AGAP1: variants seen among roughly 807,000 people sequenced by gnomAD.
AGAP1 encodes the protein arf-GAP with GTPase, ANK repeat and PH domain-containing protein 1.
Under a neutral mutation model 105.3 loss-of-function variants are expected in AGAP1, and 29 were observed. The ratio of observed to expected loss-of-function variants is 0.28; its 90% CI spans 0.21 to 0.38. The LOEUF (loss-of-function observed/expected upper bound fraction) is 0.38, where lower values mean the gene tolerates loss of function less well. AGAP1 is among the 10% of genes least tolerant of loss of function. AGAP1 has a pLI of 1.00. For synonymous variants in AGAP1, 509 were observed against 485.9 expected, an observed-to-expected ratio of 1.05 and a Z score of -0.63; for missense variants, 998 against 1,165.1, an observed-to-expected ratio of 0.86 and a Z score of 2.09.
intron 8 of AGAP1, among the ~76,000 whole-genome samples, chr2:235,806,208 C>T (rs913277810): frequency 1.3e-5 from 2 of 152,174 alleles, no homozygotes; most frequent in African/African-American, 2.4e-5. Flanking sequence ...ACCACAAAGT[C>T]TGTTCATTTC....
Position 235,874,627 on chromosome 2 carries a change from G to A in AGAP1, c.1051-8718G>A, listed in dbSNP as rs1416508051. On this transcript the variant is annotated intron_variant, in intron 9 of 17. Transcript: ENST00000304032. The surrounding 1 kb of genome is among the most constrained non-coding windows in gnomAD (Gnocchi z 4.5). ...TCAAGATTCTGTGCAGGCCTCACTT[G>A]GATCAGCTGCTCCTGTCCTTAGGGG... is the stretch of plus-strand genomic sequence containing the variant. 6.6e-6 allele frequency among the ~76,000 whole-genome samples: 1 copy of A among 152,184 alleles called. No individual in the cohort carries two copies. Among genetic ancestry groups the A allele is most frequent in the Non-Finnish European group, 1.5e-5 (1 of 68,034 alleles).
intron 6 of AGAP1, among the ~76,000 whole-genome samples, chr2:235,778,280 G>T (rs1054584197): frequency 1.3e-5 from 2 of 152,144 alleles, no homozygotes; most frequent in Admixed American, 1.3e-4. Flanking sequence ...CCCCGCCTGG[G>T]TTTCCTTCTG....
rs1238690957 is a variant in AGAP1, at chr2:235,865,578, G to C, written c.1051-17767G>C. On this transcript the variant is annotated intron_variant, in intron 9 of 17. Transcript: ENST00000304032. This position sits in a 1 kb window ranked among gnomAD's most constrained non-coding sequence, Gnocchi z 6.2. Reference sequence around the variant, plus strand: ...GTTAAAGATCCAGAATCGGCCCCTCGCCCCTTTGCCCCTCCCCCAACTCCC... The same window carrying C: ...GTTAAAGATCCAGAATCGGCCCCTCCCCCCTTTGCCCCTCCCCCAACTCCC... 6.6e-6 allele frequency among the ~76,000 whole-genome samples: 1 copy of C among 152,094 alleles called. No individual in the cohort carries two copies. Among genetic ancestry groups the C allele is most frequent in the Non-Finnish European group, 1.5e-5 (1 of 68,010 alleles).
chr2:235,690,101 C>A lies in AGAP1; in HGVS notation c.164-19078C>A, dbSNP rs1949667911. Among the ~76,000 whole-genome samples the A allele has an allele frequency of 6.6e-6, 1 of 152,078 alleles. No individual in the cohort carries two copies. The highest frequency in any genetic ancestry group is 2.4e-5 in the African/African-American group (1 of 41,416). ...GGTTTTCATGCAGTATTGACACTCT[C>A]TTCTCCCCAGGTGCTGAGTCCCCAG... On this transcript the variant is annotated intron_variant, in intron 1 of 17. Coordinates refer to ENST00000304032, the MANE Select transcript of AGAP1 (RefSeq NM_001037131.3). This position sits in a 1 kb window ranked among gnomAD's most constrained non-coding sequence, Gnocchi z 4.1.
Position 235,841,388 on chromosome 2 carries a change from G to A in AGAP1, c.1050+34057G>A, listed in dbSNP as rs114525144. On this transcript the variant is annotated intron_variant, in intron 9 of 17. Coordinates refer to ENST00000304032, the MANE Select transcript of AGAP1 (RefSeq NM_001037131.3). ...GCTCACGACTAATCCCCGCACTGTAGGAGGCCAAGGCGAGTGGATCCCTTG... is the reference window on the plus strand; with the variant it reads ...GCTCACGACTAATCCCCGCACTGTAAGAGGCCAAGGCGAGTGGATCCCTTG... Among the ~76,000 whole-genome samples, 791 of 152,244 alleles carry A rather than the reference G, an allele frequency of 5.2e-3. 8 individuals are homozygous for A. The highest frequency in any genetic ancestry group is 0.018 in the African/African-American group (744 of 41,540).
At position 235,936,353 on chromosome 2, in the gene AGAP1, C is replaced by T. The variant is rs966437623; in HGVS notation, c.1483+5430C>T. Among the ~76,000 whole-genome samples, 3 of 152,194 alleles carry T rather than the reference C, an allele frequency of 2.0e-5. No individual in the cohort carries two copies. The highest frequency in any genetic ancestry group is 7.2e-5 in the African/African-American group (3 of 41,436). On this transcript the variant is annotated intron_variant, in intron 12 of 17. Transcript: ENST00000304032. The surrounding 1 kb of genome is among the most constrained non-coding windows in gnomAD (Gnocchi z 4.7). ...CCCTGTTTCCTTCTGGCCACGTAATCATTATATCTTTCCAGTAGACTCTGT... is the reference window on the plus strand; with the variant it reads ...CCCTGTTTCCTTCTGGCCACGTAATTATTATATCTTTCCAGTAGACTCTGT...
intron 13 of AGAP1, among the ~76,000 whole-genome samples, chr2:235,984,730 G>A (rs1015871841): frequency 6.6e-5 from 10 of 151,972 alleles, no homozygotes; most frequent in African/African-American, 1.7e-4. Flanking sequence ...GTGTTAGTTC[G>A]CCGAGGAAGA....
chr2:235,648,708 C>CAAAA (rs200700617), intron 1 of AGAP1, among the ~76,000 whole-genome samples: 1 of 132,184 alleles, frequency 7.6e-6, no homozygotes, highest in Non-Finnish European at 1.6e-5. Flanking sequence ...CCCATCTCTA[C>CAAAA]AAAAAAAAAA....
intron 11 of AGAP1, among the ~76,000 whole-genome samples, chr2:235,926,013 CT>C (rs1575797025): frequency 1.3e-5 from 2 of 152,220 alleles, no homozygotes; most frequent in East Asian, 1.9e-4. Context: ...TAAACAGAGG[CT>C]TTTTTTATGC....
intron 11 of AGAP1, among the ~76,000 whole-genome samples, chr2:235,912,650 C>G (rs1010610618): frequency 6.6e-6 from 1 of 152,158 alleles, no homozygotes; most frequent in African/African-American, 2.4e-5. Flanking sequence ...GAATAACTGT[C>G]CATATATGGA....
chr2:236,017,682 A>G (rs1330959568), intron 13 of AGAP1, among the ~76,000 whole-genome samples: 1 of 152,160 alleles, frequency 6.6e-6, no homozygotes, highest in Non-Finnish European at 1.5e-5. Context: ...TTTCCTCAGG[A>G]TCCTGGTTTA....
Position 235,891,171 on chromosome 2 carries a change from G to A in AGAP1, c.1155+7722G>A, listed in dbSNP as rs1308922908. ...GTCCCAGGCAATCTGGGACCTGGCC[G>A]CACTTGCTGCAGTACTGACCGCCCT... On this transcript the variant is annotated intron_variant, in intron 10 of 17. Transcript: ENST00000304032. This position sits in a 1 kb window ranked among gnomAD's most constrained non-coding sequence, Gnocchi z 4.2. Among the ~76,000 whole-genome samples, 6 of 152,222 alleles carry A rather than the reference G, an allele frequency of 3.9e-5. No homozygotes were observed. In the East Asian group the frequency reaches 5.8e-4, roughly 15 times the overall value.
Position 236,119,440 on chromosome 2 carries a change from G to A in AGAP1, c.2115-752G>A, listed in dbSNP as rs962364156. 2.0e-5 allele frequency among the ~76,000 whole-genome samples: 3 copies of A among 152,196 alleles called. No homozygotes were observed. The highest frequency in any genetic ancestry group is 2.9e-5 in the Non-Finnish European group (2 of 68,032). On this transcript the variant is annotated intron_variant, in intron 16 of 17. Coordinates refer to ENST00000304032, the MANE Select transcript of AGAP1 (RefSeq NM_001037131.3). This position sits in a 1 kb window ranked among gnomAD's most constrained non-coding sequence, Gnocchi z 6.6. Reference sequence around the variant, plus strand: ...TTGGAGTCTCCACCCTCTCCTGCGTGAGTCTGTTGCCATGTTTTCCTCAGC... The same window carrying A: ...TTGGAGTCTCCACCCTCTCCTGCGTAAGTCTGTTGCCATGTTTTCCTCAGC...
intron 11 of AGAP1, among the ~76,000 whole-genome samples, chr2:235,913,969 ATT>A (rs1252057455): frequency 2.8e-5 from 4 of 143,860 alleles, no homozygotes; most frequent in African/African-American, 1.0e-4. Context: ...AAAGTTCAGC[ATT>A]TTTTTTTTTT....
intron 9 of AGAP1, among the ~76,000 whole-genome samples, chr2:235,869,792 C>T (rs1411680186): frequency 1.3e-5 from 2 of 152,152 alleles, no homozygotes; most frequent in African/African-American, 2.4e-5. Flanking sequence ...TGGAGGCTGA[C>T]GTGAAAAGGT....
At position 235,961,820 on chromosome 2, in the gene AGAP1, G is replaced by A. The variant is rs772662447; in HGVS notation, c.1484-6642G>A. Among the ~76,000 whole-genome samples the A allele has an allele frequency of 2.0e-5, 3 of 152,208 alleles. No homozygotes were observed. The highest frequency in any genetic ancestry group is 2.0e-4 in the Admixed American group (3 of 15,280). Reference sequence around the variant, plus strand: ...GGAGGCAGAGGTGGCAGTGAGCCGAGATCACGCCACTGCACTACAGCCTGG... The same window carrying A: ...GGAGGCAGAGGTGGCAGTGAGCCGAAATCACGCCACTGCACTACAGCCTGG... On this transcript the variant is annotated intron_variant, in intron 12 of 17. Transcript: ENST00000304032. This position sits in a 1 kb window ranked among gnomAD's most constrained non-coding sequence, Gnocchi z 5.9.
rs963887503 is a variant in AGAP1 at position 235,874,815 on chromosome 2, ATGTG to A, written c.1051-8523_1051-8520del. Among the ~76,000 whole-genome samples, 1 of 149,834 alleles carries A rather than the reference ATGTG, an allele frequency of 6.7e-6. No individual in the cohort carries two copies. The highest frequency in any genetic ancestry group is 2.6e-5 in the African/African-American group (1 of 39,190). On this transcript the variant is annotated intron_variant, in intron 9 of 17. Transcript: ENST00000304032. The surrounding 1 kb of genome is among the most constrained non-coding windows in gnomAD (Gnocchi z 4.5). ...CAAGATACCATGAGTGTGTGTGTGCATGTGTGTGTGCGTGTGCTCTTGCACACGC... is the reference window on the plus strand; with the variant it reads ...CAAGATACCATGAGTGTGTGTGTGCATGTGTGCGTGTGCTCTTGCACACGC...
Position 236,061,345 on chromosome 2 carries a change from C to T in AGAP1, c.2114+12064C>T, listed in dbSNP as rs1442290800. Among the ~76,000 whole-genome samples the T allele has an allele frequency of 6.6e-6, 1 of 152,162 alleles. No individual in the cohort carries two copies. The highest frequency in any genetic ancestry group is 6.5e-5 in the Admixed American group (1 of 15,270). ...ACCGTATGACCCAGCCATTCCTCCC[C>T]CAGGTCTATACCTAAGATAAATGAA... On this transcript the variant is annotated intron_variant, in intron 16 of 17. Transcript: ENST00000304032. This position sits in a 1 kb window ranked among gnomAD's most constrained non-coding sequence, Gnocchi z 4.1.
Position 236,062,185 on chromosome 2 carries a change from T to C in AGAP1, c.2114+12904T>C, listed in dbSNP as rs2058215807. 6.6e-6 allele frequency among the ~76,000 whole-genome samples: 1 copy of C among 152,186 alleles called. No individual in the cohort carries two copies. On this transcript the variant is annotated intron_variant, in intron 16 of 17. Coordinates refer to ENST00000304032, the MANE Select transcript of AGAP1 (RefSeq NM_001037131.3). The surrounding 1 kb of genome is among the most constrained non-coding windows in gnomAD (Gnocchi z 4.2). ...ATCAGCGATCATCACCACCAGATAC[T>C]GGGAGTCCCTGGGAGAGATCAGGCA...
Sources: allele counts gnomAD v4.1 joint callset (sites outside exome capture counted in the v4.1 genomes callset), GRCh38; gene constraint gnomAD v4.1.1; non-coding constraint Gnocchi (gnomAD v3.1); transcripts MANE v1.5; gene names NCBI Gene and HGNC (gene_info 2026-07-23, HGNC 2026-07-21).